Variants in KCTD8 observed in about 807,000 individuals in gnomAD.
KCTD8 encodes the protein potassium channel tetramerization domain containing 8.
Under a neutral mutation model 31.5 loss-of-function variants are expected in KCTD8, and 27 were observed. The ratio of observed to expected loss-of-function variants is 0.86; its 90% CI spans 0.63 to 1.18. The LOEUF (loss-of-function observed/expected upper bound fraction) is 1.18, where lower values mean the gene tolerates loss of function less well. KCTD8 is among the 50% of genes most tolerant of loss of function. The pLI is 0.00. For synonymous variants in KCTD8, 290 were observed against 280.0 expected (o/e 1.04, Z -0.36); for missense variants, 658 against 647.7 (o/e 1.02, Z -0.17).
At chr4:44,385,474 A>G (rs992388341) in intron 1 of KCTD8, among the ~76,000 whole-genome samples, 1 of 151,730 alleles carries the variant, frequency 6.6e-6, no homozygotes, top group Non-Finnish European at 1.5e-5. Flanking sequence ...TTCAACAAAT[A>G]ATGCTTGGAA....
chr4:44,314,223 T>C (rs1473688139), intron 1 of KCTD8, among the ~76,000 whole-genome samples: 2 of 152,136 alleles, frequency 1.3e-5, no homozygotes, highest in Non-Finnish European at 1.5e-5. Context: ...TAAACAATGG[T>C]ACAGGTTGCT....
chr4:44,265,238 A>T (rs1352175319), intron 1 of KCTD8, among the ~76,000 whole-genome samples: 2 of 152,064 alleles, frequency 1.3e-5, no homozygotes, highest in East Asian at 3.9e-4. Context: ...GGTTCACGAA[A>T]ATCCGCTGTT....
intron 1 of KCTD8, among the ~76,000 whole-genome samples, chr4:44,226,717 T>C (rs192563899): frequency 6.6e-6 from 1 of 152,310 alleles, no homozygotes; most frequent in African/African-American, 2.4e-5. Context: ...TTCCTGACTT[T>C]TTAATGACTG....
intron 1 of KCTD8, among the ~76,000 whole-genome samples, chr4:44,375,000 A>G (rs1373602908): frequency 1.3e-5 from 2 of 152,220 alleles, no homozygotes; most frequent in Admixed American, 1.3e-4. Context: ...TTAAAAAATT[A>G]TCTGCAAAGT....
chr4:44,399,982 T>C (rs1292513108), intron 1 of KCTD8, among the ~76,000 whole-genome samples: 2 of 152,238 alleles, frequency 1.3e-5, no homozygotes, highest in Non-Finnish European at 2.9e-5. Context: ...ATTCATTTTT[T>C]CTGTTATAAA....
chr4:44,294,118 T>A (rs1717362232), intron 1 of KCTD8, among the ~76,000 whole-genome samples: 1 of 152,198 alleles, frequency 6.6e-6, no homozygotes, highest in African/African-American at 2.4e-5. Context: ...TTATGATGAA[T>A]CTAAATCATA....
intron 1 of KCTD8, among the ~76,000 whole-genome samples, chr4:44,241,121 T>C (rs1373124273): frequency 6.6e-6 from 1 of 152,234 alleles, no homozygotes; most frequent in African/African-American, 2.4e-5. Flanking sequence ...CTAATCTATA[T>C]TTCCATGACT....
chr4:44,261,032 G>A (rs1054495321), intron 1 of KCTD8, among the ~76,000 whole-genome samples: 2 of 152,000 alleles, frequency 1.3e-5, no homozygotes, highest in Non-Finnish European at 2.9e-5. Context: ...TATGGTCTTC[G>A]TGGTGGGGAT....
At chr4:44,351,980 T>A (rs1362124503) in intron 1 of KCTD8, among the ~76,000 whole-genome samples, 1 of 152,072 alleles carries the variant, frequency 6.6e-6, no homozygotes, top group Non-Finnish European at 1.5e-5. Context: ...TTATTTATTT[T>A]ATTTATTGGT....
chr4:44,248,460 AAAAG>A (rs900853438), intron 1 of KCTD8, among the ~76,000 whole-genome samples: 10 of 151,608 alleles, frequency 6.6e-5, no homozygotes, highest in Non-Finnish European at 1.3e-4. Context: ...ACCAAAAAAA[AAAAG>A]AAAGAAAGAA....
intron 1 of KCTD8, among the ~76,000 whole-genome samples, chr4:44,249,156 T>C (rs941084119): frequency 6.6e-6 from 1 of 151,850 alleles, no homozygotes; most frequent in Non-Finnish European, 1.5e-5. Context: ...CATTAAATTT[T>C]ATTTGGGGCA....
chr4:44,410,295 C>A (rs574290202), intron 1 of KCTD8, among the ~76,000 whole-genome samples: 1 of 152,186 alleles, frequency 6.6e-6, no homozygotes, highest in East Asian at 1.9e-4. Flanking sequence ...TGCCTAGTGA[C>A]AAATATTAAC....
At chr4:44,326,446 C>T (rs1432949582) in intron 1 of KCTD8, among the ~76,000 whole-genome samples, 1 of 151,524 alleles carries the variant, frequency 6.6e-6, no homozygotes, top group African/African-American at 2.4e-5. Flanking sequence ...TTAAAGCCCA[C>T]AGTATAATAA....
intron 1 of KCTD8, among the ~76,000 whole-genome samples, chr4:44,318,900 C>T (rs971126144): frequency 6.6e-6 from 1 of 152,120 alleles, no homozygotes; most frequent in African/African-American, 2.4e-5. Flanking sequence ...ACAGGGAATA[C>T]TTTATTAAAT....
At chr4:44,283,770 T>A (rs1014303779) in intron 1 of KCTD8, among the ~76,000 whole-genome samples, 4 of 152,166 alleles carry the variant, frequency 2.6e-5, no homozygotes, top group African/African-American at 9.7e-5. Context: ...ATAAGCAAAT[T>A]CAGCAAAGTC....
intron 1 of KCTD8, among the ~76,000 whole-genome samples, chr4:44,189,660 C>T (rs538842119): frequency 1.3e-5 from 2 of 152,216 alleles, no homozygotes; most frequent in African/African-American, 2.4e-5. Context: ...CACACACACA[C>T]ACAATCACAG....
At chr4:44,337,863 A>G (rs1296854440) in intron 1 of KCTD8, among the ~76,000 whole-genome samples, 1 of 151,850 alleles carries the variant, frequency 6.6e-6, no homozygotes, top group Non-Finnish European at 1.5e-5. Context: ...AATAGTACTA[A>G]TATTTTATTC....
At chr4:44,369,953 C>A (rs2109435502) in intron 1 of KCTD8, among the ~76,000 whole-genome samples, 1 of 152,162 alleles carries the variant, frequency 6.6e-6, no homozygotes, top group African/African-American at 2.4e-5. Flanking sequence ...CTGTAATTTA[C>A]CTAAATTCTT....
At position 44,345,305 on chromosome 4, in the gene KCTD8, A is replaced by T. The variant is rs534803063; in HGVS notation, c.961+102258T>A. Among the ~76,000 whole-genome samples the T allele has an allele frequency of 2.5e-4, 38 of 152,306 alleles. No individual in the cohort carries two copies. The South Asian group carries it at 7.7e-3, about 31-fold the overall frequency. ...TAAATGTAAAAAGAATGAATATCAT[A>T]GATATTCAAACAATAAAGAAAATTG... On this transcript the variant is annotated intron_variant, in intron 1 of 1. Transcript: ENST00000360029.
Sources: gnomAD v4.1 joint callset for allele counts (sites outside exome capture counted in the v4.1 genomes callset) on GRCh38, gnomAD v4.1.1 for gene constraint, MANE v1.5 for transcripts, NCBI Gene and HGNC (gene_info 2026-07-23, HGNC 2026-07-21) for gene names.